The following TWIST2 variants were observed in gnomAD, a reference collection of about 807,000 sequenced individuals.
TWIST2 encodes twist family bHLH transcription factor 2.
In TWIST2, 1 loss-of-function variant was observed where a neutral mutation model predicts 11.6. That is an observed-to-expected ratio of 0.09 (90% CI 0.03 to 0.41). The LOEUF is 0.41. TWIST2 is among the 10% of genes least tolerant of loss of function. TWIST2 has a pLI of 0.98. For synonymous variants in TWIST2, 87 were observed against 96.6 expected, an observed-to-expected ratio of 0.90 and a Z score of 0.58; for missense variants, 168 against 226.4, an observed-to-expected ratio of 0.74 and a Z score of 1.66.
chr2:238,902,906 T>A lies in TWIST2; in HGVS notation c.*36-6936T>A, dbSNP rs1267164493. 2.1e-5 allele frequency among the ~76,000 whole-genome samples: 2 copies of A among 94,000 alleles called. 1 individual carries two copies. Among genetic ancestry groups the A allele is most frequent in the African/African-American group, 9.3e-5 (2 of 21,518 alleles). The allele number at this position is 94,000 out of a possible 152,430, so 61.7% of individuals were successfully genotyped here. ...TGTGTGATGTGGGGTGTGTGATGGG[T>A]ATGTGCGTGATGTGAGGTGTGTGTG... On this transcript the variant is annotated intron_variant, in intron 1 of 1. Coordinates refer to ENST00000612363, the MANE Select transcript of TWIST2 (RefSeq NM_001271893.4).
chr2:238,848,832 C>G, intron 1 of TWIST2, 99 bp downstream of exon 1: 3 of 983,406 alleles, frequency 3.1e-6, no homozygotes, highest in Non-Finnish European at 3.9e-6. Context: ...GGCGAGGCCC[C>G]GCGGGCCGCG....
At chr2:238,855,018 C>A (rs1297669918) in intron 1 of TWIST2, among the ~76,000 whole-genome samples, 1 of 152,180 alleles carries the variant, frequency 6.6e-6, no homozygotes, top group Admixed American at 6.5e-5. Flanking sequence ...TGGCTGCCTG[C>A]GTGGACTCCC....
At chr2:238,870,500 G>A (rs370136098) in intron 1 of TWIST2, among the ~76,000 whole-genome samples, 33 of 10,060 alleles carry the variant, frequency 3.3e-3, no homozygotes, top group Middle Eastern at 0.083. Flanking sequence ...CACACCCCAC[G>A]CACACATCAC....
rs532864820 is a variant in TWIST2 at position 238,858,800 on chromosome 2, C to T, written c.*35+10067C>T. ...AGTTTTGTTCAAACAAAAACTTGTA[C>T]ATGAATGTTCATAGCAACATTATTC... On this transcript the variant is annotated intron_variant, in intron 1 of 1. Transcript: ENST00000612363. 9.2e-5 allele frequency among the ~76,000 whole-genome samples: 14 copies of T among 152,320 alleles called. No individual in the cohort carries two copies. The South Asian group carries it at 2.9e-3, about 32-fold the overall frequency.
rs1011181350 is a variant in TWIST2, at chr2:238,897,588, G to A, written c.*36-12254G>A. Among the ~76,000 whole-genome samples, 636 of 152,316 alleles carry A rather than the reference G, an allele frequency of 4.2e-3. 4 individuals are homozygous for A. Among genetic ancestry groups the A allele is most frequent in the African/African-American group, 0.014 (578 of 41,578 alleles). ...CCTTGTGCTCAGCTGCTCAGCCTCC[G>A]AGGTCCCCTGCCCTGCTTAGAGCTC... is the stretch of plus-strand genomic sequence containing the variant. On this transcript the variant is annotated intron_variant, in intron 1 of 1. Coordinates refer to ENST00000612363, the MANE Select transcript of TWIST2 (RefSeq NM_001271893.4).
chr2:238,906,150 G>A (rs1490131411), intron 1 of TWIST2, among the ~76,000 whole-genome samples: 9 of 152,078 alleles, frequency 5.9e-5, no homozygotes. Context: ...TTGGGAGAGG[G>A]CTGGGGGTGA....
At chr2:238,868,185 C>T (rs1425014249) in intron 1 of TWIST2, among the ~76,000 whole-genome samples, 4 of 152,114 alleles carry the variant, frequency 2.6e-5, no homozygotes, top group African/African-American at 4.8e-5. Flanking sequence ...GGAGGTCAGG[C>T]TTTCTGCACG....
chr2:238,890,829 G>C (rs895875832), intron 1 of TWIST2, among the ~76,000 whole-genome samples: 4 of 152,162 alleles, frequency 2.6e-5, no homozygotes, highest in African/African-American at 9.7e-5. Flanking sequence ...AAGGCTCTGA[G>C]GGATCTGTTC....
chr2:238,907,850 A>G (rs1023330959), intron 1 of TWIST2, among the ~76,000 whole-genome samples: 7,791 of 130,666 alleles, frequency 0.06, 362 homozygotes, highest in African/African-American at 0.14. Flanking sequence ...ACACCCCCAC[A>G]CTGTACATAC....
chr2:238,905,928 T>G (rs1203630263), intron 1 of TWIST2, among the ~76,000 whole-genome samples: 3 of 105,046 alleles, frequency 2.9e-5, no homozygotes, highest in African/African-American at 1.4e-4. Flanking sequence ...CAGGTGTGCG[T>G]GTGCGCGTGT....
intron 1 of TWIST2, among the ~76,000 whole-genome samples, chr2:238,865,832 CCA>C (rs1692520039): frequency 6.6e-6 from 1 of 152,188 alleles, no homozygotes; most frequent in Non-Finnish European, 1.5e-5. Flanking sequence ...GAAGCAATCC[CCA>C]CAGTCTGTGC....
intron 1 of TWIST2, among the ~76,000 whole-genome samples, chr2:238,870,551 C>CACATA (rs1692656870): frequency 1.6e-5 from 2 of 124,800 alleles, no homozygotes; most frequent in Non-Finnish European, 1.7e-5. Flanking sequence ...CCCCACACAC[C>CACATA]CCACACACAC....
rs1692548024 is a variant in TWIST2, at chr2:238,866,896, G to A, written c.*35+18163G>A. 2.0e-5 allele frequency among the ~76,000 whole-genome samples: 3 copies of A among 152,196 alleles called. No individual in the cohort carries two copies. Among genetic ancestry groups the A allele is most frequent in the South Asian group, 4.1e-4 (2 of 4,826 alleles). The stretch of plus-strand genomic sequence containing the variant: ...GGAGCACCTTCAGGACTGTGTCCTT[G>A]TCATGTATCCGGATGCCCGGCTCAG... On this transcript the variant is annotated intron_variant, in intron 1 of 1. Coordinates refer to ENST00000612363, the MANE Select transcript of TWIST2 (RefSeq NM_001271893.4). The surrounding 1 kb of genome is among the most constrained non-coding windows in gnomAD (Gnocchi z 4.9).
At chr2:238,909,516 C>T (rs1215270034) in intron 1 of TWIST2, among the ~76,000 whole-genome samples, 7 of 152,104 alleles carry the variant, frequency 4.6e-5, no homozygotes, top group Admixed American at 1.3e-4. Context: ...ACAGCCAGAC[C>T]GCATTCATGG....
intron 1 of TWIST2, among the ~76,000 whole-genome samples, chr2:238,897,203 C>A (rs948988132): frequency 6.6e-6 from 1 of 151,950 alleles, no homozygotes; most frequent in African/African-American, 2.4e-5. Context: ...GTTCCTCCTG[C>A]CGCACTTCTC....
At chr2:238,871,468 A>T (rs1692699916) in intron 1 of TWIST2, among the ~76,000 whole-genome samples, 1 of 82,030 alleles carries the variant, frequency 1.2e-5, no homozygotes. Flanking sequence ...CCACACACAC[A>T]CCACATCCCT....
At chr2:238,908,813 C>A (rs899564933) in intron 1 of TWIST2, among the ~76,000 whole-genome samples, 1 of 146,966 alleles carries the variant, frequency 6.8e-6, no homozygotes, top group Admixed American at 6.8e-5. Flanking sequence ...GTGTAGTGTG[C>A]GGTATGTTTG....
At chr2:238,887,191 G>T (rs1252722615) in intron 1 of TWIST2, 2 of 151,942 alleles carry the variant, frequency 1.3e-5, no homozygotes, top group Non-Finnish European at 2.9e-5. Flanking sequence ...GGGGCGCCCG[G>T]TAATAACCCT....
intron 1 of TWIST2, among the ~76,000 whole-genome samples, chr2:238,892,361 C>T (rs923528196): frequency 6.6e-6 from 1 of 152,254 alleles, no homozygotes; most frequent in Non-Finnish European, 1.5e-5. Context: ...TACACAGGTG[C>T]TCCGCCGATC....
Sources: gnomAD v4.1 joint callset for allele counts (sites outside exome capture counted in the v4.1 genomes callset) on GRCh38, gnomAD v4.1.1 for gene constraint, Gnocchi (gnomAD v3.1) non-coding constraint, MANE v1.5 for transcripts, NCBI Gene and HGNC (gene_info 2026-07-23, HGNC 2026-07-21) for gene names.